SSX3: variants seen among roughly 807,000 people sequenced by gnomAD.
The protein encoded by SSX3 is SSX family member 3.
SSX3 carries 6 observed loss-of-function variants against 14.8 expected under a neutral mutation model. The ratio of observed to expected loss-of-function variants is 0.41; its 90% CI spans 0.22 to 0.80. The LOEUF (loss-of-function observed/expected upper bound fraction) is 0.80. SSX3 is among the 30% of genes least tolerant of loss of function. The pLI is 0.34. For missense variants in SSX3, 163 were observed against 152.2 expected, an observed-to-expected ratio of 1.07 and a Z score of -0.37; for synonymous variants, 55 against 52.9, an observed-to-expected ratio of 1.04 and a Z score of -0.18.
intron 5 of SSX3, among the ~76,000 whole-genome samples, chrX:48,351,123 T>C (rs2061261120): frequency 8.9e-6 from 1 of 111,811 alleles, no homozygotes; most frequent in Non-Finnish European, 1.9e-5. Flanking sequence ...ACCATACATG[T>C]AAAATAGGCT....
intron 6 of SSX3, among the ~76,000 whole-genome samples, chrX:48,347,913 T>C (rs2061245654): frequency 8.9e-6 from 1 of 112,696 alleles, no homozygotes. Flanking sequence ...CACACAGGCA[T>C]ACCTTGTTTT....
rs1328682711 is a variant in SSX3 at position 48,354,951 on chromosome X, C to A, written c.70-205G>T. On this transcript the variant is annotated intron_variant, in intron 2 of 7. Coordinates refer to ENST00000298396, the MANE Select transcript of SSX3 (RefSeq NM_021014.4). ...GCTTTAATGCTGCTGGCTGGCTCTCCTCCCACCTTCCAGAATGGACTGAGA... is the reference window on the plus strand; with the variant it reads ...GCTTTAATGCTGCTGGCTGGCTCTCATCCCACCTTCCAGAATGGACTGAGA... 3 of 752,164 alleles carry A rather than the reference C, an allele frequency of 4.0e-6. No homozygotes were observed. In the African/African-American group the frequency reaches 7.0e-5, roughly 17 times the overall value. 62.0% of individuals were successfully genotyped at this position (752,164 alleles called of 1,213,427 possible). A position where few individuals can be genotyped will look rare whatever the true frequency, so the allele number is the denominator to read the frequency against.
chrX:48,350,320 A>G lies in SSX3; in HGVS notation c.331-198T>C, dbSNP rs193219427. On this transcript the variant is annotated intron_variant, in intron 5 of 7. Transcript: ENST00000298396. ...AATGGCCTAAGTGAATATGGTTTCC[A>G]GGGATAGAATGCTTATCTTCCCACT... 4.8e-3 allele frequency among the ~76,000 whole-genome samples: 537 copies of G among 111,285 alleles called. 4 individuals are homozygous for G. Among genetic ancestry groups the G allele is most frequent in the Non-Finnish European group, 8.3e-3 (441 of 53,111 alleles).
At chrX:48,356,273 G>C (rs2061287362) in intron 1 of SSX3, among the ~76,000 whole-genome samples, 1 of 111,308 alleles carries the variant, frequency 9.0e-6, no homozygotes, top group Admixed American at 9.6e-5. Context: ...TTTTCAGACA[G>C]GGTCTCGCTC....
chrX:48,349,655 G>C (rs1417638996), intron 6 of SSX3: 1 of 1,190,926 alleles, frequency 8.4e-7, no homozygotes, highest in African/African-American at 1.8e-5. Flanking sequence ...AGAATCGCTT[G>C]AGCACCTTTC....
chrX:48,353,627 A>C (rs1444163250), intron 4 of SSX3, among the ~76,000 whole-genome samples: 8 of 110,872 alleles, frequency 7.2e-5, no homozygotes, highest in African/African-American at 2.6e-4. Context: ...CTCCATCTCA[A>C]AAACAAAAAC....
chrX:48,348,343 C>A, intron 6 of SSX3: 1 of 515,051 alleles, frequency 1.9e-6, no homozygotes, highest in East Asian at 3.7e-5. Context: ...AGGAACTGCA[C>A]CCATAGAATA....
intron 3 of SSX3, 58 bp downstream of exon 3, chrX:48,354,574 C>T: frequency 1.8e-6 from 2 of 1,123,446 alleles, no homozygotes; most frequent in Non-Finnish European, 2.4e-6. Flanking sequence ...ATAGCCAAAG[C>T]AGGAAAAGGG....
intron 4 of SSX3, among the ~76,000 whole-genome samples, chrX:48,352,913 A>C: frequency 9.0e-6 from 1 of 111,531 alleles, no homozygotes; most frequent in Non-Finnish European, 1.9e-5. Flanking sequence ...ATAAGGGATC[A>C]CTCTTTCAAA....
At position 48,349,343 on chromosome X, in the gene SSX3, C is replaced by T. The variant is rs1489277337; in HGVS notation, c.466+644G>A. On this transcript the variant is annotated intron_variant, in intron 6 of 7. Transcript: ENST00000298396. ...CAGCCAGCAGCCATCAACACCGAGG[C>T]AAGACCCTCCACCAGCAAAAAGAGT... is the stretch of plus-strand genomic sequence containing the variant. The T allele has an allele frequency of 1.5e-5, 7 of 478,189 alleles. No individual in the cohort carries two copies. The African/African-American group carries it at 1.5e-4, about 10-fold the overall frequency. 39.4% of individuals were successfully genotyped at this position (478,189 alleles called of 1,213,427 possible). A position where few individuals can be genotyped will look rare whatever the true frequency, so the allele number is the denominator to read the frequency against.
intron 6 of SSX3, 86 bp downstream of exon 6, chrX:48,349,901 C>A: frequency 8.4e-7 from 1 of 1,192,366 alleles, no homozygotes; most frequent in Non-Finnish European, 1.1e-6. Context: ...CCAGGGTTAT[C>A]TGGGATCCAT....
At chrX:48,347,862 T>C (rs1266066946) in intron 6 of SSX3, among the ~76,000 whole-genome samples, 1 of 111,988 alleles carries the variant, frequency 8.9e-6, no homozygotes, top group East Asian at 2.8e-4. Flanking sequence ...ACGGGAACAT[T>C]CCCCCATACC....
intron 6 of SSX3, 88 bp downstream of exon 6, chrX:48,349,899 A>T: frequency 8.4e-7 from 1 of 1,191,194 alleles, no homozygotes; most frequent in East Asian, 3.0e-5. Context: ...ACCCAGGGTT[A>T]TCTGGGATCC....
chrX:48,349,830 T>C (rs1190334084), intron 6 of SSX3, 157 bp downstream of exon 6: 44 of 1,141,595 alleles, frequency 3.9e-5, no homozygotes, highest in Non-Finnish European at 4.6e-5. Flanking sequence ...CCAGTCTGTC[T>C]CTGGAAGTCA....
intron 6 of SSX3, chrX:48,348,487 C>T: frequency 2.0e-6 from 1 of 509,043 alleles, no homozygotes; most frequent in East Asian, 3.7e-5. Flanking sequence ...TTATTAACAA[C>T]CTTACAATGG....
intron 4 of SSX3, among the ~76,000 whole-genome samples, chrX:48,353,267 G>T (rs1365512651): frequency 9.0e-6 from 1 of 110,702 alleles, no homozygotes; most frequent in African/African-American, 3.3e-5. Context: ...ATTGAGTCCA[G>T]TCGGATCTCA....
At chrX:48,355,759 C>G (rs1420732537) in intron 1 of SSX3, among the ~76,000 whole-genome samples, 27 of 111,448 alleles carry the variant, frequency 2.4e-4, no homozygotes, top group African/African-American at 7.5e-4. Flanking sequence ...AAATGAGCAT[C>G]GCTAATATGA....
intron 6 of SSX3, among the ~76,000 whole-genome samples, chrX:48,349,194 G>A (rs1335714061): frequency 2.7e-5 from 3 of 111,982 alleles, no homozygotes; most frequent in African/African-American, 9.7e-5. Context: ...CTATCCAATA[G>A]CATCACATAC....
intron 4 of SSX3, among the ~76,000 whole-genome samples, chrX:48,353,488 G>C (rs1334334479): frequency 9.0e-6 from 1 of 111,150 alleles, no homozygotes; most frequent in African/African-American, 3.3e-5. Context: ...AGCTGAGTGT[G>C]GGGGCACGTG....
Sources: gnomAD v4.1 joint callset for allele counts (sites outside exome capture counted in the v4.1 genomes callset) on GRCh38, gnomAD v4.1.1 for gene constraint, MANE v1.5 for transcripts, NCBI Gene and HGNC (gene_info 2026-07-23, HGNC 2026-07-21) for gene names.